Variants in ALK observed in about 807,000 individuals in gnomAD.
ALK encodes ALK receptor tyrosine kinase.
ALK carries 74 observed loss-of-function variants against 163.1 expected under a neutral mutation model. The ratio of observed to expected loss-of-function variants is 0.45; its 90% CI spans 0.38 to 0.55. ALK has a LOEUF of 0.55. ALK is among the 20% of genes least tolerant of loss of function. The probability of loss-of-function intolerance (pLI) is 0.00; values close to 1 mark genes in which losing one functional copy is unlikely to be tolerated. For missense variants in ALK, 2,063 were observed against 2,105.3 expected, an observed-to-expected ratio of 0.98 and a Z score of 0.39; for synonymous variants, 960 against 843.2, an observed-to-expected ratio of 1.14 and a Z score of -2.40.
chr2:29,306,988 C>G (rs1161224861), intron 8 of ALK, among the ~76,000 whole-genome samples: 1 of 152,200 alleles, frequency 6.6e-6, no homozygotes, highest in South Asian at 2.1e-4. Context: ...TTATGTGGTA[C>G]CAGTGTTTGT....
chr2:29,349,084 AAC>A lies in ALK; in HGVS notation c.1283-20605_1283-20604del, dbSNP rs1362027052. Among the ~76,000 whole-genome samples, 4 of 152,226 alleles carry A rather than the reference AAC, an allele frequency of 2.6e-5. No individual in the cohort carries two copies. In the South Asian group the frequency reaches 6.2e-4, roughly 24 times the overall value. On this transcript the variant is annotated intron_variant, in intron 5 of 28. Transcript: ENST00000389048. ...GTCCATCAAGTTCTTAGTGGTGCCT[AAC>A]ACAGAGTAAGTCTTGATGAATGTTG...
At chr2:29,675,950 T>A (rs1185223192) in intron 3 of ALK, among the ~76,000 whole-genome samples, 1 of 152,090 alleles carries the variant, frequency 6.6e-6, no homozygotes, top group Non-Finnish European at 1.5e-5. Context: ...GGTCTTGAAC[T>A]TCTGGCATGA....
chr2:29,340,012 T>A (rs895835075), intron 5 of ALK, among the ~76,000 whole-genome samples: 1 of 152,210 alleles, frequency 6.6e-6, no homozygotes, highest in Non-Finnish European at 1.5e-5. Context: ...GCCCCTTTAT[T>A]TTGTTGTGTG....
At chr2:29,803,282 G>A (rs1358127725) in intron 1 of ALK, among the ~76,000 whole-genome samples, 1 of 152,216 alleles carries the variant, frequency 6.6e-6, no homozygotes, top group East Asian at 1.9e-4. Context: ...GGCAGCAGAT[G>A]TGGGCAGAGA....
intron 1 of ALK, among the ~76,000 whole-genome samples, chr2:29,767,698 G>T (rs983522797): frequency 4.6e-5 from 7 of 152,216 alleles, no homozygotes; most frequent in African/African-American, 1.7e-4. Flanking sequence ...ACAGACCCCA[G>T]CTGGACATGT....
intron 5 of ALK, among the ~76,000 whole-genome samples, chr2:29,371,378 T>C (rs541737868): frequency 2.0e-5 from 3 of 152,360 alleles, no homozygotes; most frequent in Non-Finnish European, 4.4e-5. Context: ...CCTCACTCCC[T>C]GCACAAAGCC....
At chr2:29,234,120 G>A (rs1270931357) in intron 13 of ALK, among the ~76,000 whole-genome samples, 4 of 152,118 alleles carry the variant, frequency 2.6e-5, no homozygotes, top group Non-Finnish European at 5.9e-5. Flanking sequence ...AAGCACAAGG[G>A]TCTCTTTGGC....
chr2:29,503,542 G>C (rs1269886150), intron 4 of ALK, among the ~76,000 whole-genome samples: 1 of 152,298 alleles, frequency 6.6e-6, no homozygotes, highest in East Asian at 1.9e-4. Flanking sequence ...CATGGGCACC[G>C]TACCATGGCA....
At chr2:29,677,499 T>G (rs1401971796) in intron 3 of ALK, among the ~76,000 whole-genome samples, 5 of 152,048 alleles carry the variant, frequency 3.3e-5, no homozygotes, top group Admixed American at 2.6e-4. Flanking sequence ...GAGTGGATGT[T>G]GGATTCTATC....
At chr2:29,647,785 T>C (rs1164115391) in intron 3 of ALK, among the ~76,000 whole-genome samples, 1 of 148,718 alleles carries the variant, frequency 6.7e-6, no homozygotes, top group Admixed American at 6.7e-5. Flanking sequence ...CTTTTTTTTT[T>C]TTTTTTTTTG....
At chr2:29,269,017 A>G (rs763543091) in intron 11 of ALK, among the ~76,000 whole-genome samples, 2 of 152,234 alleles carry the variant, frequency 1.3e-5, no homozygotes, top group Non-Finnish European at 2.9e-5. Flanking sequence ...CAAGGAAACA[A>G]AGGCACAGAC....
At chr2:29,243,504 G>A (rs561744719) in intron 12 of ALK, among the ~76,000 whole-genome samples, 15 of 152,336 alleles carry the variant, frequency 9.8e-5, no homozygotes, top group African/African-American at 3.4e-4. Context: ...GTCATCATGT[G>A]CCCCCATGGG....
chr2:29,841,771 C>T (rs1665708084), intron 1 of ALK, among the ~76,000 whole-genome samples: 1 of 152,122 alleles, frequency 6.6e-6, no homozygotes, highest in Non-Finnish European at 1.5e-5. Context: ...TCCAAAAATA[C>T]CCATCGAAAC....
At chr2:29,367,576 C>T (rs1298344997) in intron 5 of ALK, among the ~76,000 whole-genome samples, 1 of 152,152 alleles carries the variant, frequency 6.6e-6, no homozygotes, top group African/African-American at 2.4e-5. Flanking sequence ...TCTTCTGTTC[C>T]ATTGTAAGAT....
chr2:29,408,829 T>C (rs1263142176), intron 4 of ALK, among the ~76,000 whole-genome samples: 1 of 152,192 alleles, frequency 6.6e-6, no homozygotes, highest in Non-Finnish European at 1.5e-5. Context: ...CTGCCCCAGC[T>C]GACAGCCTCA....
At chr2:29,831,195 AAGGGGAAGG>A (rs1387211025) in intron 1 of ALK, among the ~76,000 whole-genome samples, 1 of 66,288 alleles carries the variant, frequency 1.5e-5, no homozygotes, top group Non-Finnish European at 2.9e-5. Context: ...GGGGAAGGGG[AAGGGGAAGG>A]GGAAGAGGAA....
At chr2:29,395,048 C>T (rs1246185310) in intron 4 of ALK, among the ~76,000 whole-genome samples, 1 of 152,162 alleles carries the variant, frequency 6.6e-6, no homozygotes, top group Non-Finnish European at 1.5e-5. Flanking sequence ...CTTCAGAGCT[C>T]CCGGGATTTC....
intron 5 of ALK, among the ~76,000 whole-genome samples, chr2:29,335,117 A>T (rs1266082901): frequency 6.6e-6 from 1 of 152,110 alleles, no homozygotes; most frequent in East Asian, 1.9e-4. Context: ...TCCCATTGAC[A>T]CTTCTGATGC....
At position 29,699,026 on chromosome 2, in the gene ALK, C is replaced by T. The variant is rs753315666; in HGVS notation, c.788-4012G>A. On this transcript the variant is annotated intron_variant, in intron 2 of 28. Coordinates refer to ENST00000389048, the MANE Select transcript of ALK (RefSeq NM_004304.5). ...AAAACACCAGGTTAAGTCTTATTTT[C>T]CTTGGGCCTCTTCCGAGGTTCTAGA... 7.2e-5 allele frequency among the ~76,000 whole-genome samples: 11 copies of T among 152,296 alleles called. No individual in the cohort carries two copies. In the Middle Eastern group the frequency reaches 0.01, roughly 141 times the overall value.
Sources: allele counts gnomAD v4.1 joint callset (sites outside exome capture counted in the v4.1 genomes callset), GRCh38; gene constraint gnomAD v4.1.1; transcripts MANE v1.5; gene names NCBI Gene and HGNC (gene_info 2026-07-23, HGNC 2026-07-21).